The following HS6ST2 variants were observed in gnomAD, a reference collection of about 807,000 sequenced individuals.
HS6ST2 encodes heparan sulfate 6-O-sulfotransferase 2.
Under a neutral mutation model 33.0 loss-of-function variants are expected in HS6ST2, and 17 were observed. The ratio of observed to expected loss-of-function variants is 0.52; its 90% CI spans 0.35 to 0.77. The LOEUF is 0.77. Among genes scored for constraint, HS6ST2 ranks in the 30% least tolerant of loss-of-function variants. The pLI, the probability that HS6ST2 is intolerant of heterozygous loss-of-function variation, is 0.01. For synonymous variants in HS6ST2, 248 were observed against 237.1 expected, an observed-to-expected ratio of 1.05 and a Z score of -0.42; for missense variants, 519 against 551.7, an observed-to-expected ratio of 0.94 and a Z score of 0.59.
chrX:132,672,881 A>T (rs951172955), intron 3 of HS6ST2, among the ~76,000 whole-genome samples: 1 of 112,184 alleles, frequency 8.9e-6, no homozygotes, highest in African/African-American at 3.2e-5. Context: ...ACCCACTCCA[A>T]TCTGAGTTTT....
At chrX:132,806,334 A>G (rs1364015054) in intron 2 of HS6ST2, among the ~76,000 whole-genome samples, 1 of 110,353 alleles carries the variant, frequency 9.1e-6, no homozygotes, top group Admixed American at 9.7e-5. Flanking sequence ...TTTGTCTTAC[A>G]TGGACCTGTG....
chrX:132,717,733 AAT>A (rs1361424272), intron 2 of HS6ST2, among the ~76,000 whole-genome samples: 1 of 111,929 alleles, frequency 8.9e-6, no homozygotes, highest in Non-Finnish European at 1.9e-5. Context: ...TGGCAGGTGT[AAT>A]ATTCATAACT....
At position 132,926,918 on chromosome X, in the gene HS6ST2, G is replaced by A. The variant is rs140165367; in HGVS notation, c.947+29890C>T. Reference sequence around the variant, plus strand: ...AGCTTGGGTGACGGAGGGGGACTCCGTCTCAAAAACAAAACAAAACGAACA... The same window carrying A: ...AGCTTGGGTGACGGAGGGGGACTCCATCTCAAAAACAAAACAAAACGAACA... On this transcript the variant is annotated intron_variant, in intron 2 of 4. Transcript: ENST00000370833. 7.2e-5 allele frequency among the ~76,000 whole-genome samples: 8 copies of A among 110,791 alleles called. No individual in the cohort carries two copies. The South Asian group carries it at 2.0e-3, about 27-fold the overall frequency.
At chrX:132,896,286 C>T (rs759692582) in intron 2 of HS6ST2, among the ~76,000 whole-genome samples, 9 of 110,349 alleles carry the variant, frequency 8.2e-5, no homozygotes, top group Admixed American at 3.9e-4. Flanking sequence ...CTGGCTAACA[C>T]GGTAAAACCT....
chrX:132,752,403 C>T (rs1050549064), intron 2 of HS6ST2, among the ~76,000 whole-genome samples: 1 of 99,066 alleles, frequency 1.0e-5, no homozygotes, highest in African/African-American at 3.9e-5. Flanking sequence ...ATCTGGGAGG[C>T]GGAGGTTGCA....
intron 2 of HS6ST2, among the ~76,000 whole-genome samples, chrX:132,787,903 G>A (rs1284918787): frequency 1.8e-5 from 2 of 109,605 alleles, no homozygotes; most frequent in African/African-American, 3.3e-5. Context: ...AAAAAAAAAA[G>A]AGGTATTTTT....
rs754699827 is a variant in HS6ST2 at position 132,956,802 on chromosome X, A to C, written c.947+6T>G. 58 of 1,153,280 alleles carry C rather than the reference A, an allele frequency of 5.0e-5. No homozygotes were observed. The highest frequency in any genetic ancestry group is 2.7e-5 in the Non-Finnish European group (23 of 864,375). On this transcript the variant is annotated splice_donor_region_variant and intron_variant, in intron 2 of 4. Transcript: ENST00000370833. ...GGGTCCCGCTCGACTACCGGCGCGC[A>C]CTCACCTGGACGGTCTCAGCCTGGC... is the stretch of plus-strand genomic sequence containing the variant.
chrX:132,761,271 G>A (rs959620950), intron 2 of HS6ST2, among the ~76,000 whole-genome samples: 8 of 111,789 alleles, frequency 7.2e-5, no homozygotes, highest in Admixed American at 2.8e-4. Context: ...GTGCAACACC[G>A]TCTGCAAACT....
intron 3 of HS6ST2, among the ~76,000 whole-genome samples, chrX:132,674,597 T>C (rs2063909168): frequency 8.9e-6 from 1 of 112,016 alleles, no homozygotes; most frequent in African/African-American, 3.2e-5. Flanking sequence ...GTACATGTTG[T>C]TTTTGCCCAG....
At chrX:132,778,566 A>ATTTTT (rs750381549) in intron 2 of HS6ST2, among the ~76,000 whole-genome samples, 1 of 102,278 alleles carries the variant, frequency 9.8e-6, no homozygotes. Flanking sequence ...CACCCAGCTA[A>ATTTTT]TTTTTTTTTT....
intron 2 of HS6ST2, among the ~76,000 whole-genome samples, chrX:132,894,140 G>A (rs758605358): frequency 3.9e-5 from 4 of 102,027 alleles, no homozygotes; most frequent in Admixed American, 1.0e-4. Flanking sequence ...TTTTTTTTGT[G>A]GGGGGGGAGG....
At chrX:132,731,197 A>G (rs2064453502) in intron 2 of HS6ST2, among the ~76,000 whole-genome samples, 1 of 112,245 alleles carries the variant, frequency 8.9e-6, no homozygotes, top group Non-Finnish European at 1.9e-5. Flanking sequence ...ACTGAGGGGA[A>G]AACTAGTGTA....
chrX:132,872,638 G>T (rs1043490782), intron 2 of HS6ST2, among the ~76,000 whole-genome samples: 2 of 111,423 alleles, frequency 1.8e-5, no homozygotes. Context: ...ACTCTGTAAG[G>T]CTTGCTTATT....
At chrX:132,843,765 G>A (rs1029900789) in intron 2 of HS6ST2, among the ~76,000 whole-genome samples, 2 of 111,641 alleles carry the variant, frequency 1.8e-5, no homozygotes, top group Non-Finnish European at 3.8e-5. Context: ...GAGGGACAAA[G>A]ACAAAACAGA....
At chrX:132,881,296 C>T (rs1033667360) in intron 2 of HS6ST2, among the ~76,000 whole-genome samples, 5 of 110,439 alleles carry the variant, frequency 4.5e-5, no homozygotes, top group East Asian at 5.7e-4. Context: ...CTGTTGTTTC[C>T]TGACTTTTTA....
chrX:132,958,754 A>C, upstream of HS6ST2: 1 of 498,431 alleles, frequency 2.0e-6, no homozygotes, highest in South Asian at 4.6e-5. Flanking sequence ...CGCTTAGCGC[A>C]TCACTCCACT....
intron 2 of HS6ST2, among the ~76,000 whole-genome samples, chrX:132,841,409 T>C (rs1417274020): frequency 9.0e-6 from 1 of 111,673 alleles, no homozygotes; most frequent in Non-Finnish European, 1.9e-5. Flanking sequence ...GGTATCAAAC[T>C]GGGCAACAGA....
At chrX:132,721,517 C>A in intron 2 of HS6ST2, among the ~76,000 whole-genome samples, 1 of 111,965 alleles carries the variant, frequency 8.9e-6, no homozygotes, top group Non-Finnish European at 1.9e-5. Context: ...AACTTCTTGC[C>A]ATTTGGGGTG....
At chrX:132,950,517 G>A (rs1009223378) in intron 2 of HS6ST2, among the ~76,000 whole-genome samples, 10 of 112,051 alleles carry the variant, frequency 8.9e-5, no homozygotes, top group African/African-American at 1.9e-4. Flanking sequence ...TTGTTTGGTG[G>A]TGATATATGT....
Sources: allele counts gnomAD v4.1 joint callset (sites outside exome capture counted in the v4.1 genomes callset), GRCh38; gene constraint gnomAD v4.1.1; transcripts MANE v1.5; gene names NCBI Gene and HGNC (gene_info 2026-07-23, HGNC 2026-07-21).